GALNT18: variants seen among roughly 807,000 people sequenced by gnomAD.
GALNT18 encodes the protein polypeptide N-acetylgalactosaminyltransferase 18.
In GALNT18, 44 loss-of-function variants were observed where a neutral mutation model predicts 69.5. The ratio of observed to expected loss-of-function variants is 0.63; its 90% CI spans 0.50 to 0.81. GALNT18 has a LOEUF of 0.81. Ranked by LOEUF, GALNT18 falls within the 40% of genes least tolerant of loss-of-function variation. The pLI is 0.00. For synonymous variants in GALNT18, 364 were observed against 318.2 expected (o/e 1.14, Z -1.53); for missense variants, 715 against 810.0 (o/e 0.88, Z 1.42).
chr11:11,368,572 T>C (rs1270793489), intron 6 of GALNT18, among the ~76,000 whole-genome samples: 6 of 152,212 alleles, frequency 3.9e-5, no homozygotes, highest in Non-Finnish European at 1.5e-5. Flanking sequence ...GTGATTTCTT[T>C]AGATCTATTT....
intron 10 of GALNT18, among the ~76,000 whole-genome samples, chr11:11,281,482 G>A (rs1464965836): frequency 6.6e-6 from 1 of 152,204 alleles, no homozygotes; most frequent in Non-Finnish European, 1.5e-5. Context: ...GATTCTGGCT[G>A]CTCAGCTCAT....
chr11:11,329,482 C>A (rs755378393), intron 8 of GALNT18, among the ~76,000 whole-genome samples: 10 of 152,186 alleles, frequency 6.6e-5, no homozygotes, highest in Non-Finnish European at 8.8e-5. Context: ...CCCCATATCG[C>A]CCTTGGTCTT....
chr11:11,597,950 G>A (rs1004077286), intron 1 of GALNT18, among the ~76,000 whole-genome samples: 3 of 152,028 alleles, frequency 2.0e-5, no homozygotes, highest in South Asian at 2.1e-4. Flanking sequence ...GTGAGCCACC[G>A]CGCCTGACCA....
chr11:11,292,213 T>C (rs1849314154), intron 10 of GALNT18, among the ~76,000 whole-genome samples: 1 of 152,170 alleles, frequency 6.6e-6, no homozygotes, highest in South Asian at 2.1e-4. Flanking sequence ...TTATTAACGC[T>C]TTACCTGCTC....
At position 11,614,767 on chromosome 11, in the gene GALNT18, T is replaced by C. The variant is rs1860005677; in HGVS notation, c.235+6592A>G. ...CATAAATGACAAAACCAGACGTGGCTCTCTGACACTTTTCATTCTGAATTC... is the reference window on the plus strand; with the variant it reads ...CATAAATGACAAAACCAGACGTGGCCCTCTGACACTTTTCATTCTGAATTC... On this transcript the variant is annotated intron_variant, in intron 1 of 10. Coordinates refer to ENST00000227756, the MANE Select transcript of GALNT18 (RefSeq NM_198516.3). This position sits in a 1 kb window ranked among gnomAD's most constrained non-coding sequence, Gnocchi z 5.6. Among the ~76,000 whole-genome samples the C allele has an allele frequency of 6.6e-6, 1 of 152,206 alleles. No homozygotes were observed. The highest frequency in any genetic ancestry group is 2.1e-4 in the South Asian group (1 of 4,830).
At chr11:11,312,097 C>T (rs948698295) in intron 9 of GALNT18, among the ~76,000 whole-genome samples, 16 of 152,106 alleles carry the variant, frequency 1.1e-4, no homozygotes, top group Non-Finnish European at 2.1e-4. Context: ...GCTGGGACTA[C>T]AGGTGCCTGC....
chr11:11,372,675 C>CGAGGA lies in GALNT18; in HGVS notation c.978-51_978-47dup. The CGAGGA allele has an allele frequency of 6.7e-7, 1 of 1,493,238 alleles. No individual in the cohort carries two copies. The highest frequency in any genetic ancestry group is 1.1e-5 in the South Asian group (1 of 88,102). 92.5% of individuals were successfully genotyped at this position (1,493,238 alleles called of 1,614,324 possible). ...AGAAGGGCTGTCTGGTGCAGCTGTC[C>CGAGGA]GAGGAGTAAGAGCAGTAAGGCCTTC... On this transcript the variant is annotated intron_variant, in intron 5 of 10. Transcript: ENST00000227756. This position sits in a 1 kb window ranked among gnomAD's most constrained non-coding sequence, Gnocchi z 4.9.
rs1850945695 is a variant in GALNT18, at chr11:11,372,872, TTG to T, written c.978-245_978-244del. On this transcript the variant is annotated intron_variant, in intron 5 of 10. Transcript: ENST00000227756. This position sits in a 1 kb window ranked among gnomAD's most constrained non-coding sequence, Gnocchi z 4.9. ...GGATCAGCTATTAGTGGGGTGGTGCTTGTGTGTGTGTTAGCTTTGAGAATTGG... is the reference window on the plus strand; with the variant it reads ...GGATCAGCTATTAGTGGGGTGGTGCTTGTGTGTGTTAGCTTTGAGAATTGG... Among the ~76,000 whole-genome samples, 1 of 152,110 alleles carries T rather than the reference TTG, an allele frequency of 6.6e-6. No individual in the cohort carries two copies. Among genetic ancestry groups the T allele is most frequent in the Non-Finnish European group, 1.5e-5 (1 of 68,004 alleles).
At chr11:11,510,438 C>CACTG (rs764714690) in intron 1 of GALNT18, among the ~76,000 whole-genome samples, 14 of 152,102 alleles carry the variant, frequency 9.2e-5, no homozygotes, top group Non-Finnish European at 2.1e-4. Flanking sequence ...CTATTCAGGT[C>CACTG]ACTTCTGCAA....
chr11:11,294,405 T>A (rs529781542), intron 9 of GALNT18, among the ~76,000 whole-genome samples: 1 of 152,264 alleles, frequency 6.6e-6, no homozygotes, highest in South Asian at 2.1e-4. Context: ...CTAGGCTGTT[T>A]TGTTTGTATA....
chr11:11,548,763 T>C (rs1755640900), intron 1 of GALNT18, among the ~76,000 whole-genome samples: 1 of 152,248 alleles, frequency 6.6e-6, no homozygotes, highest in South Asian at 2.1e-4. Context: ...AAGTTTCTTA[T>C]CCAAGGCAGT....
intron 1 of GALNT18, among the ~76,000 whole-genome samples, chr11:11,535,658 C>A (rs1225475425): frequency 6.6e-6 from 1 of 152,176 alleles, no homozygotes; most frequent in Admixed American, 6.5e-5. Context: ...ACCTTCTGAC[C>A]ACCCAGCCGG....
chr11:11,353,243 G>A lies in GALNT18; in HGVS notation c.1093-12239C>T, dbSNP rs920485579. 21 of 1,237,404 alleles carry A rather than the reference G, an allele frequency of 1.7e-5. No individual in the cohort carries two copies. The Admixed American group carries it at 2.3e-4, about 14-fold the overall frequency. 76.7% of individuals were successfully genotyped at this position (1,237,404 alleles called of 1,614,324 possible). On this transcript the variant is annotated intron_variant, in intron 6 of 10. Transcript: ENST00000227756. ...GTTTTCTTCACACTGTGGTGGAAGCGGCAGCGGCTGTGGCCGCTCTCCCTT... is the reference window on the plus strand; with the variant it reads ...GTTTTCTTCACACTGTGGTGGAAGCAGCAGCGGCTGTGGCCGCTCTCCCTT...
At chr11:11,521,674 T>C (rs1293831880) in intron 1 of GALNT18, among the ~76,000 whole-genome samples, 4 of 152,080 alleles carry the variant, frequency 2.6e-5, no homozygotes, top group Non-Finnish European at 5.9e-5. Context: ...GAACAAAAAT[T>C]GCTCAAAGCC....
At chr11:11,276,098 A>C (rs188898639) in intron 10 of GALNT18, among the ~76,000 whole-genome samples, 13 of 152,324 alleles carry the variant, frequency 8.5e-5, no homozygotes, top group Non-Finnish European at 1.5e-5. Context: ...TGGGGATAGC[A>C]CTGAATCTAC....
chr11:11,431,751 C>A (rs988353034), intron 3 of GALNT18, among the ~76,000 whole-genome samples: 2 of 152,186 alleles, frequency 1.3e-5, no homozygotes, highest in Non-Finnish European at 2.9e-5. Context: ...AAATTTATTA[C>A]CTGACAGCAA....
chr11:11,395,186 T>C (rs995765667), intron 3 of GALNT18, among the ~76,000 whole-genome samples: 1 of 152,232 alleles, frequency 6.6e-6, no homozygotes, highest in Non-Finnish European at 1.5e-5. Flanking sequence ...AGTTGGAAGG[T>C]TGGGCATGGC....
intron 7 of GALNT18, among the ~76,000 whole-genome samples, chr11:11,334,940 C>T (rs1850085061): frequency 6.6e-6 from 1 of 152,334 alleles, no homozygotes; most frequent in African/African-American, 2.4e-5. Context: ...CACTCCGACC[C>T]TAAAGCATTC....
chr11:11,501,386 A>G (rs1856969479), intron 1 of GALNT18, among the ~76,000 whole-genome samples: 1 of 152,218 alleles, frequency 6.6e-6, no homozygotes, highest in South Asian at 2.1e-4. Flanking sequence ...GACTAGCCTC[A>G]TTTTAAATGG....
Sources: gnomAD v4.1 joint callset for allele counts (sites outside exome capture counted in the v4.1 genomes callset) on GRCh38, gnomAD v4.1.1 for gene constraint, Gnocchi (gnomAD v3.1) non-coding constraint, MANE v1.5 for transcripts, NCBI Gene and HGNC (gene_info 2026-07-23, HGNC 2026-07-21) for gene names.